Variants in DLG3 observed in about 807,000 individuals in gnomAD.
DLG3 encodes discs large MAGUK scaffold protein 3.
DLG3 carries 1 observed loss-of-function variant against 64.1 expected under a neutral mutation model. The observed-to-expected ratio is 0.02, with a 90% CI of 0.01 to 0.07. DLG3 has a LOEUF of 0.07. DLG3 is among the 10% of genes least tolerant of loss of function. The pLI is 1.00. For missense variants in DLG3, 429 were observed against 669.5 expected (o/e 0.64, Z 3.96); for synonymous variants, 245 against 259.8 (o/e 0.94, Z 0.55).
chrX:70,491,337 G>C (rs2087354539), intron 10 of DLG3, among the ~76,000 whole-genome samples: 1 of 111,569 alleles, frequency 9.0e-6, no homozygotes, highest in Non-Finnish European at 1.9e-5. Context: ...AGGACTTCTA[G>C]CATCAGCCAA....
chrX:70,451,701 G>A (rs2086620168), intron 6 of DLG3, among the ~76,000 whole-genome samples, 166 bp from the exon 7 acceptor site: 1 of 111,727 alleles, frequency 9.0e-6, no homozygotes, highest in Admixed American at 9.5e-5. Flanking sequence ...CTGCGGAGGA[G>A]GAACCCTGGG....
intron 7 of DLG3, 43 bp downstream of exon 7, chrX:70,452,069 T>C (rs376667568): frequency 4.9e-5 from 59 of 1,193,974 alleles, no homozygotes; most frequent in Non-Finnish European, 2.4e-5. Flanking sequence ...TACCCAGAAA[T>C]TGGGGAGGGG....
In DLG3 at chrX:70,472,875, G is replaced by C. The variant is rs181915046; in HGVS notation, c.1406-6275G>C. Among the ~76,000 whole-genome samples the C allele has an allele frequency of 2.9e-3, 328 of 111,374 alleles. 3 individuals are homozygous for C. The highest frequency in any genetic ancestry group is 9.9e-3 in the African/African-American group (303 of 30,642). ...ATCTTAGGATAAAAGCAAATAACCT[G>C]TCCGGGCGCAGTGGCTCACACCTGC... On this transcript the variant is annotated intron_variant, in intron 9 of 18. Coordinates refer to ENST00000374360, the MANE Select transcript of DLG3 (RefSeq NM_021120.4).
At chrX:70,499,802 T>C (rs1354018152) in intron 15 of DLG3, 75 bp from the exon 16 acceptor site, 1 of 1,081,535 alleles carries the variant, frequency 9.2e-7, no homozygotes, top group East Asian at 3.3e-5. Flanking sequence ...CAGATGAGAA[T>C]GGACCAGTCA....
At chrX:70,452,829 G>A (rs1403183874) in intron 7 of DLG3, 10 of 988,602 alleles carry the variant, frequency 1.0e-5, no homozygotes, top group Non-Finnish European at 1.4e-5. Flanking sequence ...CTGGGAGCAA[G>A]AAAGGAAGAG....
chrX:70,484,763 C>T (rs1169253699), intron 10 of DLG3, among the ~76,000 whole-genome samples: 1 of 111,576 alleles, frequency 9.0e-6, no homozygotes, highest in African/African-American at 3.3e-5. Context: ...GAATGCCTCT[C>T]CAACATCATA....
chrX:70,462,733 A>AG (rs1206700046), intron 9 of DLG3, among the ~76,000 whole-genome samples: 1 of 111,825 alleles, frequency 8.9e-6, no homozygotes, highest in Non-Finnish European at 1.9e-5. Flanking sequence ...CAGTTCTCTT[A>AG]GGTGATATAT....
At chrX:70,488,049 G>A (rs1252709161) in intron 10 of DLG3, among the ~76,000 whole-genome samples, 1 of 105,931 alleles carries the variant, frequency 9.4e-6, no homozygotes, top group Non-Finnish European at 1.9e-5. Flanking sequence ...GTCTCGCTCT[G>A]TCACCAGGCT....
chrX:70,453,053 T>A (rs2086642605), intron 7 of DLG3: 1 of 243,639 alleles, frequency 4.1e-6, no homozygotes, highest in East Asian at 7.1e-5. Flanking sequence ...GGGATCCCCC[T>A]AAGAACCCAG....
chrX:70,454,352 G>A, intron 9 of DLG3, 36 bp downstream of exon 9: 1 of 1,134,019 alleles, frequency 8.8e-7, no homozygotes, highest in Non-Finnish European at 1.2e-6. Flanking sequence ...ATGATGTGGG[G>A]GAGTTAGACT....
chrX:70,453,094 TA>T, intron 7 of DLG3: 3 of 197,628 alleles, frequency 1.5e-5, no homozygotes, highest in Non-Finnish European at 2.8e-5. Context: ...TACATAGTGT[TA>T]GCTGCTGATT....
Position 70,448,431 on chromosome X carries a change from G to A in DLG3, c.358-482G>A, listed in dbSNP as rs145922117. 952 of 468,445 alleles carry A rather than the reference G, an allele frequency of 2.0e-3. 4 individuals carry two copies. Among genetic ancestry groups the A allele is most frequent in the East Asian group, 0.015 (412 of 26,797 alleles). The allele number at this position is 468,445 out of a possible 1,213,427, so 38.6% of individuals were successfully genotyped here. ...ATGATGTCTGCTGTCCTTCCAGTTC[G>A]GACACAGTGGGAGTCTATGATCCCC... On this transcript the variant is annotated intron_variant, in intron 1 of 18. Coordinates refer to ENST00000374360, the MANE Select transcript of DLG3 (RefSeq NM_021120.4).
intron 10 of DLG3, 106 bp from the exon 11 acceptor site, chrX:70,492,001 G>A (rs1345434307): frequency 8.1e-5 from 66 of 811,364 alleles, no homozygotes; most frequent in Non-Finnish European, 9.6e-5. Flanking sequence ...TATACTGTGA[G>A]GCTGCTATGT....
At position 70,445,568 on chromosome X, in the gene DLG3, A is replaced by G; in HGVS notation, c.357+10A>G. Reference sequence around the variant, plus strand: ...GGACTGGTATGAGCAGGTATGGACCAGCGGAGGGGGGAGCGGTGGGGCAAC... The same window carrying G: ...GGACTGGTATGAGCAGGTATGGACCGGCGGAGGGGGGAGCGGTGGGGCAAC... On this transcript the variant is annotated intron_variant, in intron 1 of 18. Transcript: ENST00000374360. 1.7e-6 allele frequency: 2 copies of G among 1,173,362 alleles called. No individual in the cohort carries two copies. The highest frequency in any genetic ancestry group is 2.3e-6 in the Non-Finnish European group (2 of 874,861).
rs1340122401 is a variant in DLG3 at position 70,503,029 on chromosome X, G to C, written c.*760G>C. The C allele has an allele frequency of 2.7e-5, 3 of 111,216 alleles. No homozygotes were observed. The East Asian group carries it at 8.5e-4, about 32-fold the overall frequency. The allele number at this position is 111,216 out of a possible 1,213,427, so 9.2% of individuals were successfully genotyped here. On this transcript the variant is annotated 3_prime_UTR_variant, in exon 19 of 19. Coordinates refer to ENST00000374360, the MANE Select transcript of DLG3 (RefSeq NM_021120.4). ...CTCGCATTTGGTCATTCTCTTGAGA[G>C]CTAGGAGGGGTCAGCCTGAGGCCGG...
intron 9 of DLG3, among the ~76,000 whole-genome samples, chrX:70,463,194 C>A (rs2086833236): frequency 8.9e-6 from 1 of 111,776 alleles, no homozygotes; most frequent in Non-Finnish European, 1.9e-5. Context: ...GTTGCCCAGT[C>A]TGGAGTGCAG....
intron 5 of DLG3, 112 bp downstream of exon 5, chrX:70,450,417 A>G: frequency 9.8e-7 from 1 of 1,017,640 alleles, no homozygotes; most frequent in South Asian, 2.2e-5. Flanking sequence ...GGGGAATTTC[A>G]AGAGTTATCA....
intron 18 of DLG3, 33 bp from the exon 19 acceptor site, chrX:70,502,130 A>G: frequency 9.3e-7 from 1 of 1,071,125 alleles, no homozygotes; most frequent in East Asian, 3.0e-5. Flanking sequence ...GCTATGGACC[A>G]CAGTAATAAT....
intron 16 of DLG3, 108 bp from the exon 17 acceptor site, chrX:70,500,363 C>A: frequency 1.5e-6 from 1 of 669,187 alleles, no homozygotes; most frequent in African/African-American, 2.1e-5. Context: ...GTGCCCCTCC[C>A]CTCACCCCCA....
Sources: allele counts gnomAD v4.1 joint callset (sites outside exome capture counted in the v4.1 genomes callset), GRCh38; gene constraint gnomAD v4.1.1; transcripts MANE v1.5; gene names NCBI Gene and HGNC (gene_info 2026-07-23, HGNC 2026-07-21).